Variants in METTL25 observed in about 807,000 individuals in gnomAD.
The protein encoded by METTL25 is methyltransferase like 25, also known as probable methyltransferase-like protein 25.
A neutral mutation model predicts 71.6 loss-of-function variants in METTL25; 64 were observed. The observed-to-expected ratio is 0.89, with a 90% CI of 0.73 to 1.10. METTL25 has a LOEUF of 1.10. METTL25 is among the 50% of genes least tolerant of loss of function. The pLI, the probability that METTL25 is intolerant of heterozygous loss-of-function variation, is 0.00. For missense variants in METTL25, 807 were observed against 707.0 expected (o/e 1.14, Z -1.60); for synonymous variants, 287 against 250.3 (o/e 1.15, Z -1.38).
At chr12:82,386,680 T>C (rs1885053990) in intron 1 of METTL25, 123 bp from the exon 2 acceptor site, 1 of 811,284 alleles carries the variant, frequency 1.2e-6, no homozygotes, top group African/African-American at 1.7e-5. Flanking sequence ...TTGCCAAAAT[T>C]CACAACAAAA....
intron 1 of METTL25, among the ~76,000 whole-genome samples, chr12:82,370,088 CG>C (rs1328724343): frequency 1.3e-5 from 2 of 152,122 alleles, no homozygotes; most frequent in Non-Finnish European, 2.9e-5. Context: ...TGTTGGGAAT[CG>C]GCCAGTGACT....
rs749800202 is a variant in METTL25, at chr12:82,389,937, G to A, written c.531+15G>A. 16 of 1,426,702 alleles carry A rather than the reference G, an allele frequency of 1.1e-5. No individual in the cohort carries two copies. The highest frequency in any genetic ancestry group is 1.6e-5 in the Non-Finnish European group (16 of 1,017,032). The allele number at this position is 1,426,702 out of a possible 1,614,324, so 88.4% of individuals were successfully genotyped here. A position where few individuals can be genotyped will look rare whatever the true frequency, so the allele number is the denominator to read the frequency against. ...GAATAAAGCAGGTAAGAGTATTTCC[G>A]TATGTTTTTAGGTGTTAAAATTATT... On this transcript the variant is annotated intron_variant, in intron 3 of 11. Coordinates refer to ENST00000248306, the MANE Select transcript of METTL25 (RefSeq NM_032230.3).
rs1304570264 is a variant in METTL25, at chr12:82,443,293, G to A, written c.1478+4502G>A. Among the ~76,000 whole-genome samples, 3 of 152,042 alleles carry A rather than the reference G, an allele frequency of 2.0e-5. No homozygotes were observed. In the East Asian group the frequency reaches 5.8e-4, roughly 29 times the overall value. On this transcript the variant is annotated intron_variant, in intron 8 of 11. Transcript: ENST00000248306. ...AAATTCTTAAAGCAGCCAGAGGTGA[G>A]AGGAGTGAAGGAGGGAAGCAGAATA...
At chr12:82,462,708 A>G (rs1265074822) in intron 9 of METTL25, among the ~76,000 whole-genome samples, 1 of 152,106 alleles carries the variant, frequency 6.6e-6, no homozygotes, top group African/African-American at 2.4e-5. Flanking sequence ...TGAATTTTTC[A>G]CTGAAAAACA....
chr12:82,411,721 A>G (rs557827240), intron 5 of METTL25, among the ~76,000 whole-genome samples: 1 of 152,156 alleles, frequency 6.6e-6, no homozygotes, highest in African/African-American at 2.4e-5. Flanking sequence ...GAAGAAGGTT[A>G]GAGAAAGTTT....
chr12:82,439,808 C>G (rs923041467), intron 8 of METTL25: 1 of 934,766 alleles, frequency 1.1e-6, no homozygotes, highest in Non-Finnish European at 1.3e-6. Flanking sequence ...TGTGCAAATT[C>G]ATGTCAACTC....
chr12:82,424,110 A>G (rs1349817143), intron 5 of METTL25, among the ~76,000 whole-genome samples: 5 of 152,186 alleles, frequency 3.3e-5, no homozygotes, highest in African/African-American at 1.2e-4. Context: ...AGCACTACTC[A>G]CAATAGCAAA....
rs966609283 is a variant in METTL25 at position 82,443,010 on chromosome 12, CA to C, written c.1478+4229del. The stretch of plus-strand genomic sequence containing the variant: ...ATATCTACAATGAGGGATCAAAAAA[CA>C]AAAAAAAAAGCTAGAGAATAGAAAA... On this transcript the variant is annotated intron_variant, in intron 8 of 11. Coordinates refer to ENST00000248306, the MANE Select transcript of METTL25 (RefSeq NM_032230.3). 4.5e-3 allele frequency among the ~76,000 whole-genome samples: 623 copies of C among 139,028 alleles called. 1 individual carries two copies. The highest frequency in any genetic ancestry group is 0.018 in the Middle Eastern group (5 of 276). The allele number at this position is 139,028 out of a possible 152,430, so 91.2% of individuals were successfully genotyped here. A position where few individuals can be genotyped will look rare whatever the true frequency, so the allele number is the denominator to read the frequency against.
At chr12:82,413,033 T>A (rs963806800) in intron 5 of METTL25, among the ~76,000 whole-genome samples, 3 of 152,068 alleles carry the variant, frequency 2.0e-5, no homozygotes, top group African/African-American at 7.2e-5. Context: ...AAAGAAAGAT[T>A]TAAAAAACAG....
chr12:82,364,295 G>C (rs1882310248), intron 1 of METTL25, among the ~76,000 whole-genome samples: 1 of 152,230 alleles, frequency 6.6e-6, no homozygotes, highest in Admixed American at 6.5e-5. Context: ...CATTCGCATA[G>C]GTGGCCATAA....
Position 82,423,391 on chromosome 12 carries a change from T to G in METTL25, c.1280-7502T>G, listed in dbSNP as rs1024605619. 2.6e-5 allele frequency among the ~76,000 whole-genome samples: 4 copies of G among 152,084 alleles called. No homozygotes were observed. In the South Asian group the frequency reaches 6.2e-4, roughly 24 times the overall value. On this transcript the variant is annotated intron_variant, in intron 5 of 11. Coordinates refer to ENST00000248306, the MANE Select transcript of METTL25 (RefSeq NM_032230.3). ...CCTTACACCTTATACAAAAATTAATTCAAGATGGATTAAAGACTTACATGT... is the reference window on the plus strand; with the variant it reads ...CCTTACACCTTATACAAAAATTAATGCAAGATGGATTAAAGACTTACATGT...
At chr12:82,405,411 G>C (rs912124615) in intron 5 of METTL25, among the ~76,000 whole-genome samples, 5 of 151,964 alleles carry the variant, frequency 3.3e-5, no homozygotes, top group African/African-American at 9.7e-5. Flanking sequence ...AATAGATTCA[G>C]ATTTAGGTGA....
At chr12:82,442,880 G>T (rs1409141605) in intron 8 of METTL25, among the ~76,000 whole-genome samples, 6 of 151,482 alleles carry the variant, frequency 4.0e-5, no homozygotes, top group African/African-American at 1.5e-4. Context: ...GAAAATTCTA[G>T]AACTGAACAA....
Position 82,400,188 on chromosome 12 carries a change from C to T in METTL25, c.1131+794C>T, listed in dbSNP as rs56342831. On this transcript the variant is annotated intron_variant, in intron 4 of 11. Transcript: ENST00000248306. ...AATACAAAAAAAAATATATATTAGC[C>T]GGGTGTGGTGGCAGGTGCCTATAGT... is the stretch of plus-strand genomic sequence containing the variant. Among the ~76,000 whole-genome samples the T allele has an allele frequency of 3.6e-3, 539 of 151,554 alleles. 1 individual carries two copies. Among genetic ancestry groups the T allele is most frequent in the Non-Finnish European group, 5.8e-3 (393 of 67,840 alleles).
chr12:82,372,079 T>A (rs976403777), intron 1 of METTL25, among the ~76,000 whole-genome samples: 1 of 152,216 alleles, frequency 6.6e-6, no homozygotes, highest in Non-Finnish European at 1.5e-5. Context: ...TAAAGCTGCA[T>A]TCTTTTCATT....
intron 9 of METTL25, among the ~76,000 whole-genome samples, chr12:82,470,800 G>C (rs1228528698): frequency 6.6e-6 from 1 of 152,096 alleles, no homozygotes. Context: ...TCAATTGTGA[G>C]GCTTATTGTA....
chr12:82,370,738 CTCTT>C (rs1222014344), intron 1 of METTL25, among the ~76,000 whole-genome samples: 7 of 152,008 alleles, frequency 4.6e-5, no homozygotes, highest in Non-Finnish European at 8.8e-5. Flanking sequence ...CTTTGTCTCT[CTCTT>C]TCTCTCTCTG....
chr12:82,425,830 G>C (rs1370801459), intron 5 of METTL25, among the ~76,000 whole-genome samples: 3 of 152,026 alleles, frequency 2.0e-5, no homozygotes, highest in Non-Finnish European at 4.4e-5. Flanking sequence ...AGCTTGTTTA[G>C]TTAGGTGGAT....
chr12:82,422,118 C>G (rs932048352), intron 5 of METTL25, among the ~76,000 whole-genome samples: 3 of 152,140 alleles, frequency 2.0e-5, no homozygotes, highest in Non-Finnish European at 4.4e-5. Context: ...AGACCAATAT[C>G]CGTGATGAAC....
Sources: gnomAD v4.1 joint callset for allele counts (sites outside exome capture counted in the v4.1 genomes callset) on GRCh38, gnomAD v4.1.1 for gene constraint, MANE v1.5 for transcripts, NCBI Gene and HGNC (gene_info 2026-07-23, HGNC 2026-07-21) for gene names.